LAMA2: variants seen among roughly 807,000 people sequenced by gnomAD.
The protein encoded by LAMA2 is laminin subunit alpha-2.
LAMA2 carries 269 observed loss-of-function variants against 364.8 expected under a neutral mutation model. The ratio of observed to expected loss-of-function variants is 0.74; its 90% confidence interval spans 0.67 to 0.82. The LOEUF (loss-of-function observed/expected upper bound fraction) is 0.82. LAMA2 is among the 40% of genes least tolerant of loss of function. LAMA2 has a pLI of 0.00. For missense variants in LAMA2, 3,807 were observed against 3,873.2 expected (o/e 0.98, Z 0.45); for synonymous variants, 1,379 against 1,370.6 (o/e 1.01, Z -0.14).
At chr6:129,434,214 G>A (rs1165741468) in intron 41 of LAMA2, among the ~76,000 whole-genome samples, 1 of 152,106 alleles carries the variant, frequency 6.6e-6, no homozygotes, top group Non-Finnish European at 1.5e-5. Flanking sequence ...TTTTTATTCT[G>A]GATATATCTA....
chr6:129,105,772 G>A (rs528608705), intron 4 of LAMA2, among the ~76,000 whole-genome samples: 14 of 152,310 alleles, frequency 9.2e-5, no homozygotes, highest in African/African-American at 3.1e-4. Flanking sequence ...GGGTATCTGA[G>A]AGAAGAATCA....
At chr6:129,096,988 A>G (rs1398108548) in intron 3 of LAMA2, among the ~76,000 whole-genome samples, 3 of 152,202 alleles carry the variant, frequency 2.0e-5, no homozygotes, top group Non-Finnish European at 4.4e-5. Context: ...AAAACTATGA[A>G]GCAGATAAAA....
At chr6:129,216,908 G>A (rs951397195) in intron 12 of LAMA2, among the ~76,000 whole-genome samples, 1 of 152,126 alleles carries the variant, frequency 6.6e-6, no homozygotes, top group African/African-American at 2.4e-5. Context: ...TTAGAATACA[G>A]GGTTGGGCGT....
At chr6:129,316,744 GTTTTC>G (rs1562452491) in intron 27 of LAMA2, among the ~76,000 whole-genome samples, 2 of 152,198 alleles carry the variant, frequency 1.3e-5, no homozygotes, top group African/African-American at 4.8e-5. Flanking sequence ...AGTATTCCGT[GTTTTC>G]TTATGACCAA....
chr6:128,931,891 C>A (rs2114517573), intron 1 of LAMA2, among the ~76,000 whole-genome samples: 1 of 152,194 alleles, frequency 6.6e-6, no homozygotes, highest in East Asian at 1.9e-4. Context: ...TGTTCTTATT[C>A]TTTTAATTTA....
At chr6:129,150,713 CATTTT>C (rs1175316268) in intron 7 of LAMA2, among the ~76,000 whole-genome samples, 2 of 151,988 alleles carry the variant, frequency 1.3e-5, no homozygotes, top group East Asian at 3.9e-4. Context: ...GAAAAACAAA[CATTTT>C]AAAAACGCAG....
intron 37 of LAMA2, 84 bp from the exon 38 acceptor site, chr6:129,401,140 C>A: frequency 1.1e-6 from 1 of 896,570 alleles, no homozygotes; most frequent in Non-Finnish European, 1.9e-6. Context: ...AGCTTTTATT[C>A]AAACAGCTCA....
Position 129,148,668 on chromosome 6 carries a change from C to A in LAMA2, c.910-311C>A, listed in dbSNP as rs9492248. 0.33 allele frequency among the ~76,000 whole-genome samples: 50,761 copies of A among 151,578 alleles called. 11,999 individuals are homozygous for A. The highest frequency in any genetic ancestry group is 0.68 in the African/African-American group (28,133 of 41,300). ...GCCTTAAAACAAGCTAATCGACCCC[C>A]AAAAAACACATAGATCCCAGGCATC... On this transcript the variant is annotated intron_variant, in intron 6 of 64. Coordinates refer to ENST00000421865, the MANE Select transcript of LAMA2 (RefSeq NM_000426.4).
chr6:129,078,554 A>AT (rs1450556770), intron 3 of LAMA2, among the ~76,000 whole-genome samples: 1 of 151,912 alleles, frequency 6.6e-6, no homozygotes, highest in Non-Finnish European at 1.5e-5. Context: ...AAGATTATCT[A>AT]TTTTTTTTCT....
intron 1 of LAMA2, among the ~76,000 whole-genome samples, chr6:128,995,470 T>G (rs891837371): frequency 3.3e-5 from 5 of 152,146 alleles, no homozygotes; most frequent in African/African-American, 1.2e-4. Flanking sequence ...TACAGGTGCC[T>G]GCCACCACGC....
chr6:129,240,037 G>A (rs989371266), intron 12 of LAMA2, among the ~76,000 whole-genome samples: 4 of 152,184 alleles, frequency 2.6e-5, no homozygotes, highest in Non-Finnish European at 1.5e-5. Flanking sequence ...GTCTGTGGCC[G>A]AAGGCCCGAG....
Position 129,516,175 on chromosome 6 carries a change from C to T in LAMA2, c.9212-15C>T, listed in dbSNP as rs55776770. 4 of 1,613,824 alleles carry T rather than the reference C, an allele frequency of 2.5e-6. No homozygotes were observed. The African/African-American group carries it at 5.3e-5, about 22-fold the overall frequency. On this transcript the variant is annotated splice_polypyrimidine_tract_variant and intron_variant, in intron 64 of 64. Transcript: ENST00000421865. ...GACATTTCAAAGCTGAGCCCTCTTG[C>T]ATTGCCTTTTTCAGATGACCTCAAG...
intron 1 of LAMA2, among the ~76,000 whole-genome samples, chr6:129,033,786 G>T (rs1317641457): frequency 1.3e-5 from 2 of 152,014 alleles, no homozygotes; most frequent in Non-Finnish European, 2.9e-5. Flanking sequence ...GATGAAGTGA[G>T]GTTGGAAGAA....
rs121913572 is a variant in LAMA2, at chr6:129,481,422, C to T, written c.7732C>T (p.Arg2578Ter). Residue 2578 changes from arginine to a stop codon, truncating the protein, a stop_gained, in exon 55 of 65, where the codon CGA becomes TGA. Transcript: ENST00000421865. LOFTEE classifies it high-confidence loss of function. ...GACACCAGCACCACCTAGGAGAAAACGAAGGCAGACTGGACAGGTACCCTC... is the reference window on the plus strand; with the variant it reads ...GACACCAGCACCACCTAGGAGAAAATGAAGGCAGACTGGACAGGTACCCTC... ...GGTPAPPRRK[R>*]RQTGQAYYAI... is the part of the protein sequence containing the mutation. The T allele has an allele frequency of 3.5e-5, 57 of 1,613,630 alleles. No homozygotes were observed. The highest frequency in any genetic ancestry group is 5.0e-5 in the Admixed American group (3 of 59,996).
At chr6:129,051,268 ATTT>A (rs1211214686) in intron 2 of LAMA2, among the ~76,000 whole-genome samples, 1 of 148,002 alleles carries the variant, frequency 6.8e-6, no homozygotes, top group Non-Finnish European at 1.5e-5. Flanking sequence ...AATATATATT[ATTT>A]ATATTTATTT....
intron 41 of LAMA2, among the ~76,000 whole-genome samples, chr6:129,437,337 G>C (rs557962503): frequency 2.0e-5 from 3 of 152,022 alleles, no homozygotes; most frequent in Non-Finnish European, 4.4e-5. Context: ...CAATGTTATT[G>C]TAAGGATTAA....
chr6:129,009,757 C>A (rs1163673101), intron 1 of LAMA2, among the ~76,000 whole-genome samples: 1 of 152,112 alleles, frequency 6.6e-6, no homozygotes, highest in East Asian at 1.9e-4. Flanking sequence ...GTGATTCTTA[C>A]CGCCTACCAG....
intron 4 of LAMA2, among the ~76,000 whole-genome samples, chr6:129,115,073 A>G (rs1256967114): frequency 6.6e-6 from 1 of 151,958 alleles, no homozygotes; most frequent in East Asian, 1.9e-4. Flanking sequence ...TATTTTTTTC[A>G]TTTCACCCTC....
intron 29 of LAMA2, among the ~76,000 whole-genome samples, chr6:129,340,830 CAAAAA>C (rs34264921): frequency 1.7e-5 from 1 of 59,586 alleles, no homozygotes; most frequent in Non-Finnish European, 3.6e-5. Flanking sequence ...AGCTCTGTCT[CAAAAA>C]AAAAAAAAAA....
Sources: gnomAD v4.1 joint callset for allele counts (sites outside exome capture counted in the v4.1 genomes callset) on GRCh38, gnomAD v4.1.1 for gene constraint, MANE v1.5 for transcripts, NCBI Gene and HGNC (gene_info 2026-07-23, HGNC 2026-07-21) for gene names.